The following ADAM33 variants were observed in gnomAD, a reference collection of about 807,000 sequenced individuals.
ADAM33 encodes the protein disintegrin and metalloproteinase domain-containing protein 33.
A neutral mutation model predicts 106.2 loss-of-function variants in ADAM33; 103 were observed. The ratio of observed to expected loss-of-function variants is 0.97; its 90% CI spans 0.83 to 1.14. ADAM33 has a LOEUF of 1.14. ADAM33 is among the 50% of genes most tolerant of loss of function. ADAM33 has a pLI of 0.00. For missense variants in ADAM33, 1,120 were observed against 1,096.6 expected (o/e 1.02, Z -0.30); for synonymous variants, 483 against 453.0 (o/e 1.07, Z -0.84).
At chr20:3,680,586 C>T (rs1367010155) in intron 1 of ADAM33, among the ~76,000 whole-genome samples, 1 of 152,174 alleles carries the variant, frequency 6.6e-6, no homozygotes, top group South Asian at 2.1e-4. Flanking sequence ...GAGGAGTCTG[C>T]CACCTTGGAA....
intron 1 of ADAM33, among the ~76,000 whole-genome samples, chr20:3,681,402 G>A (rs2088479740): frequency 6.6e-6 from 1 of 152,166 alleles, no homozygotes; most frequent in African/African-American, 2.4e-5. Flanking sequence ...GAGGGACGAG[G>A]GGTGAGCAGG....
At position 3,673,613 on chromosome 20, in the gene ADAM33, C is replaced by T; in HGVS notation, c.951G>A (p.Glu317=). ...QGATVGLAPV[E]GMCRAESSGG... ...CCGAGCTCTCGGCGCGGCACATGCC[C>T]TCGACGGGCGCCAGGCCCACTGTGG... Residue 317 remains glutamate, a synonymous_variant, in exon 10 of 22, where the codon GAG becomes GAA. Coordinates refer to ENST00000356518, the MANE Select transcript of ADAM33 (RefSeq NM_025220.5). 1 of 1,361,716 alleles carries T rather than the reference C, an allele frequency of 7.3e-7. No individual in the cohort carries two copies. The highest frequency in any genetic ancestry group is 9.4e-7 in the Non-Finnish European group (1 of 1,064,914). The allele number at this position is 1,361,716 out of a possible 1,614,324, so 84.4% of individuals were successfully genotyped here.
At chr20:3,676,921 C>A (rs910355370) in intron 3 of ADAM33, 146 bp downstream of exon 3, 3 of 837,684 alleles carry the variant, frequency 3.6e-6, no homozygotes, top group African/African-American at 3.6e-5. Flanking sequence ...CTCCAGGGAG[C>A]CAACCACAGG....
chr20:3,679,994 C>T (rs1052858922), intron 1 of ADAM33, among the ~76,000 whole-genome samples: 5 of 152,146 alleles, frequency 3.3e-5, no homozygotes, highest in East Asian at 1.9e-4. Context: ...TGTGCCCCCC[C>T]CATCATCTGA....
In ADAM33 at chr20:3,669,637, G is replaced by A; in HGVS notation, c.2241C>T (p.Gly747=). ...GGTCCCTGTGTGGGCCATCTTTGGGGCTGAGCAACGTGATAAGAGTCCAGG... is the reference window on the plus strand; with the variant it reads ...GGTCCCTGTGTGGGCCATCTTTGGGACTGAGCAACGTGATAAGAGTCCAGG... ...WGCRRDPACS[G]PKDGPHRDHP... is the part of the protein sequence containing the mutation. The change falls in exon 20 of 22, where the codon GGC becomes GGT. Residue 747 remains glycine, a splice_region_variant and synonymous_variant. Coordinates refer to ENST00000356518, the MANE Select transcript of ADAM33 (RefSeq NM_025220.5). 1.9e-6 allele frequency: 3 copies of A among 1,599,572 alleles called. No homozygotes were observed. Among genetic ancestry groups the A allele is most frequent in the South Asian group, 1.1e-5 (1 of 87,776 alleles).
rs542079539 is a variant in ADAM33 at position 3,675,795 on chromosome 20, C to T, written c.255-690G>A. 6.6e-6 allele frequency among the ~76,000 whole-genome samples: 1 copy of T among 152,268 alleles called. No homozygotes were observed. The highest frequency in any genetic ancestry group is 1.9e-4 in the East Asian group (1 of 5,176). ...GATCAATCATAAGTCAATCTGTCTT[C>T]TTTAAAGAAAATCCTTAACCCAACC... is the stretch of plus-strand genomic sequence containing the variant. On this transcript the variant is annotated intron_variant, in intron 3 of 21. Transcript: ENST00000356518. This position sits in a 1 kb window ranked among gnomAD's most constrained non-coding sequence, Gnocchi z 4.1.
At chr20:3,679,309 C>T (rs7354032) in intron 2 of ADAM33, among the ~76,000 whole-genome samples, 183 bp downstream of exon 2, 6,166 of 151,748 alleles carry the variant, frequency 0.041, 165 homozygotes, top group African/African-American at 0.069. Context: ...TCACGAGATC[C>T]AGATGTCCAA....
At position 3,668,882 on chromosome 20, in the gene ADAM33, C is replaced by T; in HGVS notation, c.*81G>A. ...TGCTGGAGGTCCGGTGATTCACTGG[C>T]TCTGCCCCTGCAGTTCAAGTTCCTG... On this transcript the variant is annotated 3_prime_UTR_variant, in exon 22 of 22. Coordinates refer to ENST00000356518, the MANE Select transcript of ADAM33 (RefSeq NM_025220.5). 6.6e-7 allele frequency: 1 copy of T among 1,519,564 alleles called. No individual in the cohort carries two copies. Among genetic ancestry groups the T allele is most frequent in the Non-Finnish European group, 9.1e-7 (1 of 1,096,108 alleles). 94.1% of individuals were successfully genotyped at this position (1,519,564 alleles called of 1,614,324 possible).
Position 3,668,831 on chromosome 20 carries a change from G to GA in ADAM33, c.*131dup. ...TGGGTGGGTCGAAGCTCCACTCGGG[G>GA]AAGAAACTTCCAAGCTGCCTGCAGG... is the stretch of plus-strand genomic sequence containing the variant. On this transcript the variant is annotated 3_prime_UTR_variant, in exon 22 of 22. Transcript: ENST00000356518. The GA allele has an allele frequency of 3.5e-6, 4 of 1,140,602 alleles. No individual in the cohort carries two copies. Among genetic ancestry groups the GA allele is most frequent in the South Asian group, 2.5e-5 (2 of 80,008 alleles). 70.7% of individuals were successfully genotyped at this position (1,140,602 alleles called of 1,614,324 possible). A position where few individuals can be genotyped will look rare whatever the true frequency, so the allele number is the denominator to read the frequency against.
intron 4 of ADAM33, 39 bp from the exon 5 acceptor site, chr20:3,674,888 CT>C: frequency 1.2e-6 from 2 of 1,608,056 alleles, no homozygotes; most frequent in African/African-American, 1.3e-5. Flanking sequence ...TCAGCCAGGG[CT>C]GGAGCAAGAG....
In ADAM33 at chr20:3,675,092, G is replaced by C. The variant is rs776028578; in HGVS notation, c.268C>G (p.Pro90Ala). The part of the protein sequence containing the change: ...ELEKNHRLLA[P>A]GYIETHYGPD... ...CCGTAGTGGGTTTCTATGTATCCTG[G>C]GGCCAGCAGCCTGCTGAGAGGGGGT... Residue 90 changes from proline to alanine, a missense_variant, in exon 4 of 22, where the codon CCA (proline) becomes GCA (alanine). By Grantham distance (27) the Pro-to-Ala change is conservative (BLOSUM62 -1). Coordinates refer to ENST00000356518, the MANE Select transcript of ADAM33 (RefSeq NM_025220.5). This position sits in a 1 kb window ranked among gnomAD's most constrained non-coding sequence, Gnocchi z 4.1. 7 of 1,612,698 alleles carry C rather than the reference G, an allele frequency of 4.3e-6. No homozygotes were observed. The highest frequency in any genetic ancestry group is 5.9e-6 in the Non-Finnish European group (7 of 1,179,582).
chr20:3,681,664 C>T (rs1208350674), intron 1 of ADAM33, among the ~76,000 whole-genome samples: 1 of 152,120 alleles, frequency 6.6e-6, no homozygotes, highest in Non-Finnish European at 1.5e-5. Context: ...GCTTTGCCAG[C>T]GGAGTGGCAG....
intron 1 of ADAM33, among the ~76,000 whole-genome samples, chr20:3,680,234 T>C (rs569309712): frequency 2.0e-4 from 27 of 134,924 alleles, no homozygotes; most frequent in Admixed American, 1.5e-3. Context: ...GCGCCTGGAA[T>C]GTTCCCCTGG....
Position 3,671,666 on chromosome 20 carries a change from C to T in ADAM33, c.1820G>A (p.Arg607Gln), listed in dbSNP as rs779762942. The change falls in exon 16 of 22, where the codon CGG becomes CAG. Residue 607 changes from arginine (R) to glutamine (Q), a missense_variant. Coordinates refer to ENST00000356518, the MANE Select transcript of ADAM33 (RefSeq NM_025220.5). ...GGCACTGGGGAGTGCCAAGGCTCCC[C>T]GACAAGTCACTTCCTGGCCATCTAG... ...VHLDGQEVTC[R>Q]GALALPSAQL... 26 of 1,581,364 alleles carry T rather than the reference C, an allele frequency of 1.6e-5. No homozygotes were observed. The highest frequency in any genetic ancestry group is 1.5e-4 in the African/African-American group (11 of 73,990).
rs2087715239 is a variant in ADAM33, at chr20:3,673,588, C to CG, written c.975_976insC (p.Gly326ArgfsTer21). The CG allele has an allele frequency of 1.5e-6, 2 of 1,376,610 alleles. No individual in the cohort carries two copies. Among genetic ancestry groups the CG allele is most frequent in the Non-Finnish European group, 1.9e-6 (2 of 1,072,502 alleles). 85.3% of individuals were successfully genotyped at this position (1,376,610 alleles called of 1,614,324 possible). A position where few individuals can be genotyped will look rare whatever the true frequency, so the allele number is the denominator to read the frequency against. On this transcript the variant is annotated frameshift_variant, in exon 10 of 22. Transcript: ENST00000356518. LOFTEE classifies it high-confidence loss of function. ...GCGGGGCTCACCGTGCTCACGCCTC[C>CG]CGAGCTCTCGGCGCGGCACATGCCC...
chr20:3,670,316 A>G, intron 19 of ADAM33: 1 of 161,776 alleles, frequency 6.2e-6, no homozygotes. Flanking sequence ...AAATCATGCC[A>G]TCTCCCTTGG....
rs1033084086 is a variant in ADAM33, at chr20:3,675,743, C to A, written c.255-638G>T. Reference sequence around the variant, plus strand: ...TAATGATTCCATCTTCAGGCTCCATCTCAACAGGATCTTTCCCACACGGAT... The same window carrying A: ...TAATGATTCCATCTTCAGGCTCCATATCAACAGGATCTTTCCCACACGGAT... On this transcript the variant is annotated intron_variant, in intron 3 of 21. Coordinates refer to ENST00000356518, the MANE Select transcript of ADAM33 (RefSeq NM_025220.5). This position sits in a 1 kb window ranked among gnomAD's most constrained non-coding sequence, Gnocchi z 4.1. Among the ~76,000 whole-genome samples, 4 of 152,162 alleles carry A rather than the reference C, an allele frequency of 2.6e-5. No homozygotes were observed. The highest frequency in any genetic ancestry group is 4.4e-5 in the Non-Finnish European group (3 of 68,030).
chr20:3,672,903 C>T lies in ADAM33; in HGVS notation c.1134-5G>A, dbSNP rs1477498231. On this transcript the variant is annotated splice_region_variant and splice_polypyrimidine_tract_variant and intron_variant, in intron 11 of 21. Coordinates refer to ENST00000356518, the MANE Select transcript of ADAM33 (RefSeq NM_025220.5). ...AACACGCGCGGAAACGGGTGCCTAC[C>T]GGCACGGGGAGGGCATTGGGCATGG... The T allele has an allele frequency of 8.3e-6, 13 of 1,560,190 alleles. No homozygotes were observed. The Middle Eastern group carries it at 7.1e-4, about 85-fold the overall frequency.
chr20:3,675,121 A>C lies in ADAM33; in HGVS notation c.255-16T>G, dbSNP rs1218457578. The C allele has an allele frequency of 2.3e-5, 36 of 1,590,956 alleles. No homozygotes were observed. Among genetic ancestry groups the C allele is most frequent in the Non-Finnish European group, 3.0e-5 (35 of 1,161,228 alleles). Reference sequence around the variant, plus strand: ...CAGCAGCCTGCTGAGAGGGGGTGTTACAGGGAACACTGAATTCAGCTTCCT... The same window carrying C: ...CAGCAGCCTGCTGAGAGGGGGTGTTCCAGGGAACACTGAATTCAGCTTCCT... On this transcript the variant is annotated splice_polypyrimidine_tract_variant and intron_variant, in intron 3 of 21. Coordinates refer to ENST00000356518, the MANE Select transcript of ADAM33 (RefSeq NM_025220.5). This position sits in a 1 kb window ranked among gnomAD's most constrained non-coding sequence, Gnocchi z 4.1.
Sources: allele counts gnomAD v4.1 joint callset (sites outside exome capture counted in the v4.1 genomes callset), GRCh38; gene constraint gnomAD v4.1.1; non-coding constraint Gnocchi (gnomAD v3.1); transcripts MANE v1.5; gene names NCBI Gene and HGNC (gene_info 2026-07-23, HGNC 2026-07-21).